RLF: variants seen among roughly 807,000 people sequenced by gnomAD.
The protein encoded by RLF is RLF zinc finger, also known as zinc finger protein Rlf.
Under a neutral mutation model 162.9 loss-of-function variants are expected in RLF, and 7 were observed. The observed-to-expected ratio is 0.04, with a 90% CI of 0.02 to 0.08. RLF has a LOEUF of 0.08. Ranked by LOEUF, RLF falls within the 10% of genes least tolerant of loss-of-function variation. RLF has a pLI of 1.00. For missense variants in RLF, 1,664 were observed against 2,244.7 expected (o/e 0.74, Z 5.23); for synonymous variants, 782 against 791.5 (o/e 0.99, Z 0.20).
chr1:40,161,426 C>T lies in RLF; in HGVS notation c.27C>T (p.Ala9=), dbSNP rs748378380. 5.8e-6 allele frequency: 9 copies of T among 1,551,538 alleles called. No individual in the cohort carries two copies. In the South Asian group the frequency reaches 5.9e-5, roughly 10 times the overall value. The part of the protein sequence containing the change: MADGKGDA[A]AVAGAGAEAP... ...TGGCGGACGGAAAGGGAGACGCCGCCGCTGTCGCCGGGGCTGGGGCTGAGG... is the reference window on the plus strand; with the variant it reads ...TGGCGGACGGAAAGGGAGACGCCGCTGCTGTCGCCGGGGCTGGGGCTGAGG... Residue 9 remains alanine (A), a synonymous_variant, in exon 1 of 8, where the codon GCC becomes GCT. Coordinates refer to ENST00000372771, the MANE Select transcript of RLF (RefSeq NM_012421.4). The surrounding 1 kb of genome is among the most constrained non-coding windows in gnomAD (Gnocchi z 4.4).
At chr1:40,210,961 G>A (rs1218104022) in intron 5 of RLF, among the ~76,000 whole-genome samples, 1 of 152,178 alleles carries the variant, frequency 6.6e-6, no homozygotes, top group African/African-American at 2.4e-5. Context: ...TGTGTTATAG[G>A]AAATACGATT....
chr1:40,221,332 C>A (rs1039545186), intron 5 of RLF, among the ~76,000 whole-genome samples: 8 of 149,368 alleles, frequency 5.4e-5, no homozygotes, highest in South Asian at 2.1e-4. Context: ...AAAAAAAAAA[C>A]AAGATAATAC....
Position 40,238,260 on chromosome 1 carries a change from C to T in RLF, c.3558C>T (p.His1186=), listed in dbSNP as rs371348636. The T allele has an allele frequency of 3.1e-6, 5 of 1,614,038 alleles. No individual in the cohort carries two copies. Among genetic ancestry groups the T allele is most frequent in the East Asian group, 4.5e-5 (2 of 44,880 alleles). The part of the protein sequence containing the change: ...ICQRSFTRKT[H]LRIHYKNKHQ... Reference sequence around the variant, plus strand: ...AAAGGTCATTTACAAGAAAAACACACCTTAGGATTCATTATAAAAATAAAC... The same window carrying T: ...AAAGGTCATTTACAAGAAAAACACATCTTAGGATTCATTATAAAAATAAAC... Residue 1186 remains histidine (H), a synonymous_variant, in exon 8 of 8, where the codon CAC becomes CAT. Coordinates refer to ENST00000372771, the MANE Select transcript of RLF (RefSeq NM_012421.4). The surrounding 1 kb of genome is among the most constrained non-coding windows in gnomAD (Gnocchi z 5.2).
intron 1 of RLF, among the ~76,000 whole-genome samples, chr1:40,182,080 CAATA>C (rs1642411072): frequency 6.6e-6 from 1 of 152,050 alleles, no homozygotes; most frequent in African/African-American, 2.4e-5. Flanking sequence ...GAAAACTTTA[CAATA>C]AATGGAAAGA....
chr1:40,185,656 CAAAAAA>C (rs1163398364), intron 1 of RLF, among the ~76,000 whole-genome samples: 19 of 38,750 alleles, frequency 4.9e-4, no homozygotes, highest in African/African-American at 8.8e-4. Context: ...ACTAAAAATA[CAAAAAA>C]AAAAAAAAAA....
At chr1:40,171,194 T>C (rs1642239524) in intron 1 of RLF, among the ~76,000 whole-genome samples, 1 of 152,032 alleles carries the variant, frequency 6.6e-6, no homozygotes, top group Admixed American at 6.6e-5. Context: ...GCCCAGCTAA[T>C]TGAAAAATAA....
At chr1:40,211,133 G>A (rs1180864214) in intron 5 of RLF, among the ~76,000 whole-genome samples, 2 of 152,190 alleles carry the variant, frequency 1.3e-5, no homozygotes, top group East Asian at 1.9e-4. Context: ...GGCCAGAAAA[G>A]CTAAAAATAT....
At chr1:40,235,663 A>G (rs1377163173) in intron 7 of RLF, 129 bp from the exon 8 acceptor site, 18 of 642,722 alleles carry the variant, frequency 2.8e-5, no homozygotes, top group Non-Finnish European at 4.6e-5. Flanking sequence ...TGTAACTTTC[A>G]TGAAGAAAGA....
intron 5 of RLF, among the ~76,000 whole-genome samples, chr1:40,222,330 C>T (rs893269648): frequency 6.6e-6 from 1 of 152,090 alleles, no homozygotes; most frequent in African/African-American, 2.4e-5. Flanking sequence ...TAGCAATGTT[C>T]GTAATTTTTT....
intron 1 of RLF, among the ~76,000 whole-genome samples, chr1:40,175,326 G>A (rs1344453337): frequency 3.3e-5 from 5 of 151,946 alleles, no homozygotes; most frequent in Non-Finnish European, 5.9e-5. Flanking sequence ...GAACATATAT[G>A]TATATTTGAA....
intron 5 of RLF, among the ~76,000 whole-genome samples, chr1:40,211,867 AT>A (rs1455915883): frequency 2.6e-5 from 4 of 152,166 alleles, no homozygotes; most frequent in Non-Finnish European, 5.9e-5. Flanking sequence ...ACCTCCTGTT[AT>A]CCGCCCGCCT....
Position 40,236,620 on chromosome 1 carries a change from A to C in RLF, c.1918A>C (p.Asn640His). 3 of 1,614,172 alleles carry C rather than the reference A, an allele frequency of 1.9e-6. No homozygotes were observed. The highest frequency in any genetic ancestry group is 2.5e-6 in the Non-Finnish European group (3 of 1,180,020). The change falls in exon 8 of 8, where the codon AAC (asparagine) becomes CAC (histidine). Residue 640 changes from asparagine (N) to histidine (H), a missense_variant. Transcript: ENST00000372771. This position sits in a 1 kb window ranked among gnomAD's most constrained non-coding sequence, Gnocchi z 7.7. ...PKSPSAIPEQ[N>H]HSLNDQAKGE... is the part of the protein sequence containing the mutation. The stretch of plus-strand genomic sequence containing the variant: ...GAGCCCCTCTGCAATCCCAGAGCAA[A>C]ACCATTCATTGAATGACCAAGCCAA...
intron 1 of RLF, among the ~76,000 whole-genome samples, chr1:40,185,663 A>C (rs1642466447): frequency 7.5e-6 from 1 of 132,784 alleles, no homozygotes; most frequent in South Asian, 2.4e-4. Context: ...ATACAAAAAA[A>C]AAAAAAAAAA....
At chr1:40,215,376 G>A (rs978276491) in intron 5 of RLF, among the ~76,000 whole-genome samples, 3 of 152,136 alleles carry the variant, frequency 2.0e-5, no homozygotes, top group African/African-American at 7.2e-5. Flanking sequence ...GATAGACCAT[G>A]TGTTAGCAAG....
At chr1:40,204,604 G>GAGAGACAGGGTCTTGC (rs1354663189) in intron 5 of RLF, among the ~76,000 whole-genome samples, 8 of 149,998 alleles carry the variant, frequency 5.3e-5, no homozygotes, top group African/African-American at 2.0e-4. Context: ...TATTTTTTTG[G>GAGAGACAGGGTCTTGC]AGAGACAGGG....
At chr1:40,195,841 A>T in intron 4 of RLF, 77 bp downstream of exon 4, 1 of 1,365,418 alleles carries the variant, frequency 7.3e-7, no homozygotes, top group Admixed American at 2.2e-5. Flanking sequence ...AATTTTGGGA[A>T]TTTAACTTGT....
chr1:40,240,204 T>A lies in RLF; in HGVS notation c.5502T>A (p.Ser1834=), dbSNP rs1366535315. The change falls in exon 8 of 8, where the codon TCT becomes TCA. Residue 1834 remains serine (S), a synonymous_variant. Coordinates refer to ENST00000372771, the MANE Select transcript of RLF (RefSeq NM_012421.4). ...EVDIPHSSSD[S]TIHENLTAIP... is the part of the protein sequence containing the mutation. ...ACATACCTCATTCTTCCAGTGACTC[T>A]ACAATTCATGAGAACCTGACTGCAA... is the stretch of plus-strand genomic sequence containing the variant. 1.9e-6 allele frequency: 3 copies of A among 1,614,200 alleles called. No homozygotes were observed. The highest frequency in any genetic ancestry group is 2.5e-6 in the Non-Finnish European group (3 of 1,180,026).
chr1:40,173,494 C>T (rs937259163), intron 1 of RLF, among the ~76,000 whole-genome samples: 1 of 150,834 alleles, frequency 6.6e-6, no homozygotes, highest in African/African-American at 2.4e-5. Context: ...TAGATTTTGT[C>T]CAATCATTAT....
At chr1:40,201,580 C>T (rs1181014071) in intron 4 of RLF, among the ~76,000 whole-genome samples, 18 of 144,586 alleles carry the variant, frequency 1.2e-4, no homozygotes, top group Admixed American at 8.6e-4. Context: ...GAGCCAAGAT[C>T]GCGCCACGGC....
Sources: allele counts gnomAD v4.1 joint callset (sites outside exome capture counted in the v4.1 genomes callset), GRCh38; gene constraint gnomAD v4.1.1; non-coding constraint Gnocchi (gnomAD v3.1); transcripts MANE v1.5; gene names NCBI Gene and HGNC (gene_info 2026-07-23, HGNC 2026-07-21).